The following KIF13B variants were observed in gnomAD, a reference collection of about 807,000 sequenced individuals.
KIF13B encodes kinesin-like protein KIF13B.
Under a neutral mutation model 222.0 loss-of-function variants are expected in KIF13B, and 127 were observed. That is an observed-to-expected ratio of 0.57 (90% CI 0.50 to 0.66). KIF13B has a LOEUF of 0.66. Among genes scored for constraint, KIF13B ranks in the 30% least tolerant of loss-of-function variants. The pLI is 0.00. For synonymous variants in KIF13B, 976 were observed against 919.0 expected, an observed-to-expected ratio of 1.06 and a Z score of -1.12; for missense variants, 2,173 against 2,379.0, an observed-to-expected ratio of 0.91 and a Z score of 1.80.
intron 2 of KIF13B, among the ~76,000 whole-genome samples, chr8:29,228,472 A>AAAAATATAT: frequency 0.016 from 1,866 of 117,076 alleles, 136 homozygotes; most frequent in Non-Finnish European, 0.021. Context: ...ATCTTAAAAA[A>AAAAATATAT]ATATATATAT....
intron 4 of KIF13B, chr8:29,189,277 C>T (rs1379785993): frequency 6.6e-6 from 1 of 150,652 alleles, no homozygotes; most frequent in African/African-American, 2.5e-5. Flanking sequence ...TCCATTATGT[C>T]TCATTTCCTT....
chr8:29,104,715 G>T (rs1047055304), intron 35 of KIF13B, among the ~76,000 whole-genome samples: 3 of 151,950 alleles, frequency 2.0e-5, no homozygotes, highest in Non-Finnish European at 4.4e-5. Context: ...TCTGGGTTCT[G>T]CCCACAGACT....
intron 1 of KIF13B, among the ~76,000 whole-genome samples, chr8:29,254,809 A>G (rs1563830887): frequency 6.6e-6 from 1 of 152,258 alleles, no homozygotes; most frequent in Non-Finnish European, 1.5e-5. Flanking sequence ...AGAAAAATGA[A>G]AACACATGTC....
chr8:29,112,169 G>A (rs551447460), intron 32 of KIF13B, among the ~76,000 whole-genome samples: 22 of 152,088 alleles, frequency 1.4e-4, no homozygotes, highest in Non-Finnish European at 2.9e-4. Flanking sequence ...GCTGATCTCC[G>A]GCCAGGCATA....
At chr8:29,187,218 CTT>C (rs1812974499) in intron 5 of KIF13B, among the ~76,000 whole-genome samples, 1 of 152,054 alleles carries the variant, frequency 6.6e-6, no homozygotes, top group Non-Finnish European at 1.5e-5. Flanking sequence ...AAAGAATAAT[CTT>C]TTTTCTTATA....
At position 29,132,303 on chromosome 8, in the gene KIF13B, T is replaced by A; in HGVS notation, c.2942+5A>T. 6.8e-7 allele frequency: 1 copy of A among 1,479,788 alleles called. No individual in the cohort carries two copies. The highest frequency in any genetic ancestry group is 9.0e-7 in the Non-Finnish European group (1 of 1,113,390). 91.7% of individuals were successfully genotyped at this position (1,479,788 alleles called of 1,614,324 possible). Reference sequence around the variant, plus strand: ...AATGGAATCAGATGAACATCTAATATTCACCTGTCCCGAAGACTACGTGTC... The same window carrying A: ...AATGGAATCAGATGAACATCTAATAATCACCTGTCCCGAAGACTACGTGTC... On this transcript the variant is annotated splice_donor_5th_base_variant and intron_variant, in intron 23 of 39. Coordinates refer to ENST00000524189, the MANE Select transcript of KIF13B (RefSeq NM_015254.4).
At chr8:29,122,869 T>C (rs541701906) in intron 28 of KIF13B, among the ~76,000 whole-genome samples, 1 of 152,348 alleles carries the variant, frequency 6.6e-6, no homozygotes, top group Admixed American at 6.5e-5. Flanking sequence ...ACACTACCTG[T>C]TTGTAGTGAA....
intron 14 of KIF13B, among the ~76,000 whole-genome samples, chr8:29,155,384 C>T (rs1811474394): frequency 6.6e-6 from 1 of 152,086 alleles, no homozygotes. Flanking sequence ...TTGGCAGGTG[C>T]TGAGGAGGAG....
At chr8:29,258,786 C>T (rs923073617) in intron 1 of KIF13B, among the ~76,000 whole-genome samples, 3 of 152,174 alleles carry the variant, frequency 2.0e-5, no homozygotes, top group Non-Finnish European at 4.4e-5. Flanking sequence ...CCTTATTTCC[C>T]TGTCATTCAC....
chr8:29,200,518 AAAAAATCC>A (rs1337659021), intron 2 of KIF13B, among the ~76,000 whole-genome samples: 6 of 152,218 alleles, frequency 3.9e-5, no homozygotes, highest in Non-Finnish European at 7.3e-5. Context: ...AAATAGTACA[AAAAAATCC>A]TGTACACCCT....
chr8:29,109,402 G>GCACA, intron 34 of KIF13B, 32 bp downstream of exon 34: 1 of 1,530,552 alleles, frequency 6.5e-7, no homozygotes, highest in East Asian at 2.2e-5. Context: ...GAAGTCCCAG[G>GCACA]CACAGCACAG....
intron 36 of KIF13B, among the ~76,000 whole-genome samples, chr8:29,096,007 A>T (rs1808509410): frequency 6.7e-6 from 1 of 150,038 alleles, no homozygotes. Context: ...TTTAAGACAG[A>T]GTCTCACTCT....
At chr8:29,175,340 T>C (rs922538467) in intron 10 of KIF13B, among the ~76,000 whole-genome samples, 3 of 152,166 alleles carry the variant, frequency 2.0e-5, no homozygotes, top group Non-Finnish European at 4.4e-5. Context: ...ACCATCTCTG[T>C]CATGGATCTA....
At chr8:29,075,613 T>C (rs1807521178) in intron 37 of KIF13B, among the ~76,000 whole-genome samples, 1 of 152,186 alleles carries the variant, frequency 6.6e-6, no homozygotes, top group African/African-American at 2.4e-5. Context: ...CAATCACATA[T>C]GCACATGTGA....
At chr8:29,116,809 G>GT in intron 31 of KIF13B, 22 bp downstream of exon 31, 1 of 1,584,112 alleles carries the variant, frequency 6.3e-7, no homozygotes, top group Non-Finnish European at 8.6e-7. Flanking sequence ...GGTTAGAGTC[G>GT]TTTCTTCCAC....
intron 6 of KIF13B, among the ~76,000 whole-genome samples, chr8:29,183,428 A>C (rs1812801500): frequency 1.3e-5 from 2 of 152,048 alleles, no homozygotes; most frequent in Admixed American, 1.3e-4. Flanking sequence ...CTGGGATTAG[A>C]GGTATGAGCC....
At chr8:29,217,834 G>T (rs1460748524) in intron 2 of KIF13B, among the ~76,000 whole-genome samples, 2 of 152,174 alleles carry the variant, frequency 1.3e-5, no homozygotes, top group Non-Finnish European at 2.9e-5. Flanking sequence ...CAATGTCATG[G>T]TTTTTTCCAG....
chr8:29,075,378 G>A, intron 37 of KIF13B, 35 bp from the exon 38 acceptor site: 2 of 1,540,362 alleles, frequency 1.3e-6, no homozygotes, highest in Non-Finnish European at 1.8e-6. Flanking sequence ...GGGGTCGAGA[G>A]GACAGAACAG....
intron 14 of KIF13B, among the ~76,000 whole-genome samples, chr8:29,153,636 A>T (rs1236064874): frequency 3.3e-5 from 5 of 151,404 alleles, no homozygotes; most frequent in Non-Finnish European, 5.9e-5. Flanking sequence ...TTAACTTTAC[A>T]TTAAAGGCTC....
Sources: allele counts gnomAD v4.1 joint callset (sites outside exome capture counted in the v4.1 genomes callset), GRCh38; gene constraint gnomAD v4.1.1; transcripts MANE v1.5; gene names NCBI Gene and HGNC (gene_info 2026-07-23, HGNC 2026-07-21).